Variants in IQCM observed in about 807,000 individuals in gnomAD.
The protein encoded by IQCM is IQ domain-containing protein M.
Under a neutral mutation model 57.6 loss-of-function variants are expected in IQCM, and 45 were observed. That is an observed-to-expected ratio of 0.78 (90% CI 0.62 to 1.00). The LOEUF is 1.00. IQCM is among the 50% of genes least tolerant of loss of function. IQCM has a pLI of 0.00. For synonymous variants in IQCM, 148 were observed against 158.9 expected (o/e 0.93, Z 0.51); for missense variants, 468 against 511.6 (o/e 0.91, Z 0.82).
intron 2 of IQCM, among the ~76,000 whole-genome samples, chr4:149,809,243 C>A (rs561558905): frequency 1.3e-5 from 2 of 149,746 alleles, no homozygotes; most frequent in African/African-American, 2.5e-5. Context: ...AGCCTGGAGA[C>A]AGAATGAGAC....
intron 12 of IQCM, among the ~76,000 whole-genome samples, chr4:149,451,779 C>T (rs2111408449): frequency 6.6e-6 from 1 of 151,846 alleles, no homozygotes; most frequent in South Asian, 2.1e-4. Context: ...CAATAGCCAA[C>T]ATCATATGTA....
intron 3 of IQCM, chr4:149,737,851 C>T (rs1767083791): frequency 6.6e-6 from 1 of 152,168 alleles, no homozygotes; most frequent in Non-Finnish European, 1.5e-5. Context: ...CCTCCTTTTC[C>T]TTCTCTCATG....
At chr4:149,489,498 A>G (rs766463670) in intron 12 of IQCM, among the ~76,000 whole-genome samples, 1 of 152,044 alleles carries the variant, frequency 6.6e-6, no homozygotes, top group Non-Finnish European at 1.5e-5. Flanking sequence ...ATAAAACCAA[A>G]TGAATAATTA....
At chr4:149,733,577 T>C in intron 4 of IQCM, 69 bp from the exon 5 acceptor site, 2 of 776,586 alleles carry the variant, frequency 2.6e-6, no homozygotes, top group South Asian at 1.4e-4. Flanking sequence ...TAAAGTTATA[T>C]ATTTTATTAA....
At chr4:149,573,930 A>G (rs1274189877) in intron 9 of IQCM, among the ~76,000 whole-genome samples, 1 of 152,022 alleles carries the variant, frequency 6.6e-6, no homozygotes, top group Non-Finnish European at 1.5e-5. Context: ...TCATGACAAC[A>G]GAAACGTTGG....
chr4:149,739,782 C>G (rs1489191771), intron 3 of IQCM, among the ~76,000 whole-genome samples: 1 of 152,162 alleles, frequency 6.6e-6, no homozygotes, highest in African/African-American at 2.4e-5. Context: ...ATGAGTAGCT[C>G]TAATCCCAAA....
chr4:149,563,680 T>C lies in IQCM; in HGVS notation c.948+12A>G. 3 of 1,227,792 alleles carry C rather than the reference T, an allele frequency of 2.4e-6. No homozygotes were observed. Among genetic ancestry groups the C allele is most frequent in the Non-Finnish European group, 3.0e-6 (3 of 984,006 alleles). The allele number at this position is 1,227,792 out of a possible 1,614,324, so 76.1% of individuals were successfully genotyped here. ...ATTTTAAACACATTATAATATCTGA[T>C]GGATATCTTACCTTGGTCATTACTC... On this transcript the variant is annotated intron_variant, in intron 10 of 13. Coordinates refer to ENST00000636793, the MANE Select transcript of IQCM (RefSeq NM_001363507.2).
intron 12 of IQCM, among the ~76,000 whole-genome samples, chr4:149,497,853 AG>A (rs1560916401): frequency 6.6e-6 from 1 of 151,744 alleles, no homozygotes; most frequent in Non-Finnish European, 1.5e-5. Context: ...TTTTTCGCTT[AG>A]TATTTTTCTT....
At chr4:149,430,000 G>A (rs1734713255) in intron 13 of IQCM, 1 of 1,228,302 alleles carries the variant, frequency 8.1e-7, no homozygotes, top group African/African-American at 1.6e-5. Context: ...AATAGATATA[G>A]GTCACCTTCT....
chr4:149,775,116 G>T (rs574060556), intron 2 of IQCM, among the ~76,000 whole-genome samples: 1 of 147,876 alleles, frequency 6.8e-6, no homozygotes, highest in African/African-American at 2.5e-5. Context: ...CCTTTCTTAT[G>T]AACATTTAAA....
intron 13 of IQCM, among the ~76,000 whole-genome samples, chr4:149,403,891 A>C (rs1560807266): frequency 6.6e-6 from 1 of 152,070 alleles, no homozygotes; most frequent in Admixed American, 6.6e-5. Flanking sequence ...TTAAATATTC[A>C]CAACCATATA....
chr4:149,603,223 A>T (rs1164143614), intron 8 of IQCM, among the ~76,000 whole-genome samples: 1 of 152,106 alleles, frequency 6.6e-6, no homozygotes, highest in African/African-American at 2.4e-5. Context: ...TGCTCATCTG[A>T]GTTTTCTTCA....
At chr4:149,761,115 C>T (rs529326073) in intron 2 of IQCM, among the ~76,000 whole-genome samples, 41 of 152,124 alleles carry the variant, frequency 2.7e-4, no homozygotes, top group African/African-American at 6.7e-4. Flanking sequence ...TTGATACATA[C>T]GCCAGCACGT....
In IQCM at chr4:149,812,226, G is replaced by A. The variant is rs552365425; in HGVS notation, c.-49+3085C>T. ...TTTTAATTTGGAGCCATATTCCTAA[G>A]AGTCATCCTTAAACACCAAATATCA... On this transcript the variant is annotated intron_variant, in intron 2 of 13. Transcript: ENST00000636793. Among the ~76,000 whole-genome samples, 23 of 152,260 alleles carry A rather than the reference G, an allele frequency of 1.5e-4. No individual in the cohort carries two copies. The South Asian group carries it at 4.8e-3, about 32-fold the overall frequency.
At chr4:149,404,432 G>A (rs1229170028) in intron 13 of IQCM, among the ~76,000 whole-genome samples, 1 of 151,996 alleles carries the variant, frequency 6.6e-6, no homozygotes, top group Non-Finnish European at 1.5e-5. Flanking sequence ...CTGGGCTCTT[G>A]ACTCTCAAAC....
chr4:149,448,538 T>C (rs1324115287), intron 12 of IQCM, among the ~76,000 whole-genome samples: 1 of 150,348 alleles, frequency 6.7e-6, no homozygotes, highest in Admixed American at 6.7e-5. Flanking sequence ...ACAAAAACAA[T>C]AAAGAAAATC....
chr4:149,661,970 C>T (rs1206470824), intron 7 of IQCM, among the ~76,000 whole-genome samples: 1 of 151,706 alleles, frequency 6.6e-6, no homozygotes, highest in Non-Finnish European at 1.5e-5. Context: ...TTATTTCCTC[C>T]CTTCTACCAA....
chr4:149,767,186 T>A (rs1561251587), intron 2 of IQCM, among the ~76,000 whole-genome samples: 1 of 151,994 alleles, frequency 6.6e-6, no homozygotes, highest in Non-Finnish European at 1.5e-5. Context: ...ATGAAATGAT[T>A]TTCATTAACC....
At chr4:149,398,198 A>G (rs1732365954) in intron 13 of IQCM, among the ~76,000 whole-genome samples, 1 of 151,978 alleles carries the variant, frequency 6.6e-6, no homozygotes, top group Non-Finnish European at 1.5e-5. Flanking sequence ...ATGTATGGGT[A>G]TAATTACTTC....
Sources: gnomAD v4.1 joint callset for allele counts (sites outside exome capture counted in the v4.1 genomes callset) on GRCh38, gnomAD v4.1.1 for gene constraint, MANE v1.5 for transcripts, NCBI Gene and HGNC (gene_info 2026-07-23, HGNC 2026-07-21) for gene names.